Variants in SAMMSON observed in about 807,000 individuals in gnomAD.
SAMMSON encodes the protein survival associated mitochondrial melanoma specific oncogenic non-coding RNA.
At chr3:70,300,212 T>C (rs530790348) in intron 7 of SAMMSON, among the ~76,000 whole-genome samples, 1 of 152,178 alleles carries the variant, frequency 6.6e-6, no homozygotes, top group East Asian at 1.9e-4. Flanking sequence ...ACCTCAAATA[T>C]AGAGGTAAAC....
intron 7 of SAMMSON, among the ~76,000 whole-genome samples, chr3:70,327,798 T>C (rs1702589924): frequency 6.6e-6 from 1 of 151,996 alleles, no homozygotes; most frequent in Non-Finnish European, 1.5e-5. Context: ...AAGGAAGCCA[T>C]GAAAGGAGCC....
intron 3 of SAMMSON, among the ~76,000 whole-genome samples, chr3:70,032,244 A>C (rs1247940888): frequency 6.6e-6 from 1 of 152,144 alleles, no homozygotes; most frequent in African/African-American, 2.4e-5. Context: ...GTCAGAGTAC[A>C]TCAAGCAAAC....
At chr3:70,257,004 C>A (rs1181031387) in intron 6 of SAMMSON, among the ~76,000 whole-genome samples, 1 of 152,074 alleles carries the variant, frequency 6.6e-6, no homozygotes, top group African/African-American at 2.4e-5. Context: ...GAGGGCAAGT[C>A]CAGTGGTGGA....
chr3:70,265,852 C>A (rs1028386851), intron 6 of SAMMSON, among the ~76,000 whole-genome samples: 4 of 152,182 alleles, frequency 2.6e-5, no homozygotes, highest in Non-Finnish European at 5.9e-5. Context: ...AAATGCCAGA[C>A]ACTTATAAAA....
chr3:70,096,910 T>G (rs1183850717), intron 4 of SAMMSON, among the ~76,000 whole-genome samples: 1 of 152,166 alleles, frequency 6.6e-6, no homozygotes, highest in Non-Finnish European at 1.5e-5. Flanking sequence ...AAACACTGGA[T>G]TGAACCATGT....
At chr3:70,078,389 T>TA (rs1389509502) in intron 4 of SAMMSON, among the ~76,000 whole-genome samples, 2 of 152,162 alleles carry the variant, frequency 1.3e-5, no homozygotes, top group African/African-American at 4.8e-5. Context: ...GGTAATATTC[T>TA]AAGTGTGGTT....
chr3:70,061,280 C>G (rs2067189583), intron 3 of SAMMSON, among the ~76,000 whole-genome samples: 2 of 152,096 alleles, frequency 1.3e-5, no homozygotes, highest in African/African-American at 2.4e-5. Context: ...AACTGTGAGT[C>G]AGGAGCTCAG....
intron 4 of SAMMSON, among the ~76,000 whole-genome samples, chr3:70,132,819 A>G (rs970323168): frequency 6.6e-6 from 1 of 151,772 alleles, no homozygotes; most frequent in Non-Finnish European, 1.5e-5. Flanking sequence ...GAACCTTGTC[A>G]TTCTTCAGTT....
chr3:70,379,036 C>T (rs1444572415), intron 9 of SAMMSON, among the ~76,000 whole-genome samples: 17 of 143,512 alleles, frequency 1.2e-4, no homozygotes, highest in South Asian at 2.2e-4. Context: ...TATTTTAAGA[C>T]GGAGTCTCAC....
rs1461565100 is a variant in SAMMSON at position 70,011,788 on chromosome 3, A to T, written n.23-569A>T. ...AGAACACAGGCTCTAAAACAAATAA[A>T]TCACTTGCTATTATGAAGTATGGAA... On this transcript the variant is annotated intron_variant and non_coding_transcript_variant, in intron 1 of 9. Coordinates refer to ENST00000642114, the Ensembl canonical transcript of SAMMSON. Among the ~76,000 whole-genome samples the T allele has an allele frequency of 5.3e-5, 8 of 152,188 alleles. No homozygotes were observed. The East Asian group carries it at 1.5e-3, about 29-fold the overall frequency.
chr3:70,161,788 A>C (rs183631726), intron 4 of SAMMSON, among the ~76,000 whole-genome samples: 1 of 151,934 alleles, frequency 6.6e-6, no homozygotes, highest in East Asian at 1.9e-4. Context: ...CCAGTGAACC[A>C]TCTTGACCCA....
intron 2 of SAMMSON, among the ~76,000 whole-genome samples, chr3:70,422,715 A>G (rs1324333846): frequency 6.6e-6 from 1 of 152,142 alleles, no homozygotes; most frequent in African/African-American, 2.4e-5. Flanking sequence ...AATTTAGTTA[A>G]TACAGTGCAG....
At chr3:70,294,648 G>A (rs1420570401) in intron 7 of SAMMSON, among the ~76,000 whole-genome samples, 3 of 151,996 alleles carry the variant, frequency 2.0e-5, no homozygotes, top group Admixed American at 2.0e-4. Flanking sequence ...ACTCAAACAG[G>A]CTCAAAAAAT....
chr3:70,342,969 G>A (rs547992634), intron 7 of SAMMSON, among the ~76,000 whole-genome samples: 1 of 152,284 alleles, frequency 6.6e-6, no homozygotes, highest in South Asian at 2.1e-4. Flanking sequence ...AGTTGTGGGT[G>A]TAAAATGCTC....
At chr3:70,275,543 C>CA (rs1327833286) in intron 6 of SAMMSON, among the ~76,000 whole-genome samples, 3 of 151,870 alleles carry the variant, frequency 2.0e-5, no homozygotes, top group Non-Finnish European at 4.4e-5. Flanking sequence ...CAAATCAAAT[C>CA]AAAAAAACAA....
intron 3 of SAMMSON, among the ~76,000 whole-genome samples, chr3:70,058,136 A>G (rs1224274225): frequency 1.3e-5 from 2 of 152,110 alleles, no homozygotes; most frequent in Non-Finnish European, 2.9e-5. Flanking sequence ...AAAGTTGATG[A>G]GGAAGAACCA....
chr3:70,413,364 T>G (rs1452100299), intron 2 of SAMMSON, among the ~76,000 whole-genome samples: 1 of 152,102 alleles, frequency 6.6e-6, no homozygotes, highest in Non-Finnish European at 1.5e-5. Context: ...CATAAAAAAT[T>G]TTCTGAAATT....
chr3:70,093,969 T>A (rs1408878237), intron 4 of SAMMSON, among the ~76,000 whole-genome samples: 1 of 152,192 alleles, frequency 6.6e-6, no homozygotes, highest in East Asian at 1.9e-4. Flanking sequence ...AAATTTTCAA[T>A]GTTTTATTTT....
At chr3:70,087,247 T>C (rs889728958) in intron 4 of SAMMSON, among the ~76,000 whole-genome samples, 10 of 152,220 alleles carry the variant, frequency 6.6e-5, no homozygotes, top group African/African-American at 2.2e-4. Flanking sequence ...ATAAATTGTC[T>C]TCTATTTTGA....
Sources: gnomAD v4.1 joint callset for allele counts (sites outside exome capture counted in the v4.1 genomes callset) on GRCh38, gnomAD v4.1.1 for gene constraint, MANE v1.5 for transcripts, NCBI Gene and HGNC (gene_info 2026-07-23, HGNC 2026-07-21) for gene names.